COL5A2: variants seen among roughly 807,000 people sequenced by gnomAD.
COL5A2 encodes collagen alpha-2(V) chain.
COL5A2 carries 23 observed loss-of-function variants against 208.2 expected under a neutral mutation model. The ratio of observed to expected loss-of-function variants is 0.11; its 90% CI spans 0.08 to 0.16. The LOEUF is 0.16. Among genes scored for constraint, COL5A2 ranks in the 10% least tolerant of loss-of-function variants. The pLI, the probability that COL5A2 is intolerant of heterozygous loss-of-function variation, is 1.00. For missense variants in COL5A2, 1,590 were observed against 1,956.4 expected, an observed-to-expected ratio of 0.81 and a Z score of 3.53; for synonymous variants, 625 against 628.5, an observed-to-expected ratio of 0.99 and a Z score of 0.08.
At chr2:189,274,589 A>G in the COL5A2 span, among the ~76,000 whole-genome samples, 5 of 152,124 alleles carry the variant, frequency 3.3e-5, no homozygotes, top group African/African-American at 9.7e-5. Flanking sequence ...TGGTCAGCAA[A>G]TTACAGAACA....
the COL5A2 span, among the ~76,000 whole-genome samples, chr2:189,337,539 T>C: frequency 1.3e-5 from 2 of 152,190 alleles, no homozygotes; most frequent in Non-Finnish European, 2.9e-5. Context: ...TATAAACTTT[T>C]AGAATTGTGG....
the COL5A2 span, among the ~76,000 whole-genome samples, chr2:189,270,849 C>T: frequency 3.4e-4 from 51 of 152,094 alleles, no homozygotes; most frequent in African/African-American, 1.2e-3. Context: ...ACAAGCATTC[C>T]TATACACCAA....
the COL5A2 span, among the ~76,000 whole-genome samples, chr2:189,239,354 A>C: frequency 5.9e-5 from 9 of 152,152 alleles, no homozygotes; most frequent in Admixed American, 2.0e-4. Context: ...AAGAACCTTG[A>C]GATGGAAAGA....
At chr2:189,305,361 A>G in the COL5A2 span, among the ~76,000 whole-genome samples, 3 of 152,358 alleles carry the variant, frequency 2.0e-5, no homozygotes, top group East Asian at 5.8e-4. Context: ...TGAGGCCTTT[A>G]GCAGATGATT....
chr2:189,122,096 T>C lies in COL5A2; in HGVS notation c.98-11647A>G, dbSNP rs549817382. ...TACTCCAGAGGAGCTTAGAGGAAAGTTTATAAAGTCACTCTTTTAACAAAT... is the reference window on the plus strand; with the variant it reads ...TACTCCAGAGGAGCTTAGAGGAAAGCTTATAAAGTCACTCTTTTAACAAAT... On this transcript the variant is annotated intron_variant, in intron 1 of 53. Coordinates refer to ENST00000374866, the MANE Select transcript of COL5A2 (RefSeq NM_000393.5). Among the ~76,000 whole-genome samples, 6 of 152,270 alleles carry C rather than the reference T, an allele frequency of 3.9e-5. No individual in the cohort carries two copies. The South Asian group carries it at 8.3e-4, about 21-fold the overall frequency.
the COL5A2 span, among the ~76,000 whole-genome samples, chr2:189,243,385 GACTT>G: frequency 6.6e-6 from 1 of 152,158 alleles, no homozygotes; most frequent in Admixed American, 6.5e-5. Context: ...GGGTTTAATG[GACTT>G]ACAGTTCCAC....
Position 189,050,659 on chromosome 2 carries a change from A to AG in COL5A2, c.2948dup (p.Gly984TrpfsTer45). ...TCTGCCCGGTCGTTCCAGCTGGACC[A>AG]GGGGGGCCATCTGGACCCTAATGTT... On this transcript the variant is annotated frameshift_variant, in exon 43 of 54. Coordinates refer to ENST00000374866, the MANE Select transcript of COL5A2 (RefSeq NM_000393.5). LOFTEE classifies it high-confidence loss of function. 1 of 1,552,226 alleles carries AG rather than the reference A, an allele frequency of 6.4e-7. No individual in the cohort carries two copies.
intron 1 of COL5A2, among the ~76,000 whole-genome samples, chr2:189,197,474 A>G (rs1034163760): frequency 6.6e-6 from 1 of 152,138 alleles, no homozygotes; most frequent in Non-Finnish European, 1.5e-5. Context: ...ATTAATTAAA[A>G]AATTATCAAT....
the COL5A2 span, among the ~76,000 whole-genome samples, chr2:189,231,795 A>G: frequency 4.3e-3 from 646 of 151,440 alleles, 8 homozygotes; most frequent in East Asian, 0.029. Flanking sequence ...GTTATGTTCT[A>G]TTTTTCCATT....
chr2:189,121,863 T>C (rs999980784), intron 1 of COL5A2, among the ~76,000 whole-genome samples: 1 of 151,900 alleles, frequency 6.6e-6, no homozygotes, highest in African/African-American at 2.4e-5. Flanking sequence ...TAGTATAATG[T>C]CTAGTTTGAA....
At chr2:189,228,239 C>G (rs185205784), upstream of COL5A2, among the ~76,000 whole-genome samples, 1 of 151,172 alleles carries the variant, frequency 6.6e-6, no homozygotes, top group Non-Finnish European at 1.5e-5. Context: ...AATTCTATAC[C>G]TTAGGAAGTA....
chr2:189,170,219 C>T (rs1005698894), intron 1 of COL5A2, among the ~76,000 whole-genome samples: 2 of 152,044 alleles, frequency 1.3e-5, no homozygotes, highest in Non-Finnish European at 2.9e-5. Context: ...TATGGAAATA[C>T]AATTTCCAAA....
intron 2 of COL5A2, among the ~76,000 whole-genome samples, chr2:189,107,526 A>G (rs904223711): frequency 6.6e-6 from 1 of 150,712 alleles, no homozygotes; most frequent in Non-Finnish European, 1.5e-5. Flanking sequence ...TCACTTTTCA[A>G]CTTCTGTTTT....
chr2:189,041,532 A>G (rs767186176), intron 50 of COL5A2, 54 bp downstream of exon 50: 37 of 1,365,042 alleles, frequency 2.7e-5, no homozygotes, highest in Non-Finnish European at 3.7e-5. Context: ...CTTGGACGGA[A>G]TCTGAGCTAT....
At chr2:189,360,026 CT>C in the COL5A2 span, among the ~76,000 whole-genome samples, 1 of 151,868 alleles carries the variant, frequency 6.6e-6, no homozygotes, top group Non-Finnish European at 1.5e-5. Flanking sequence ...TTTCATTGAT[CT>C]TTTTTAAGTC....
chr2:189,189,237 CTCT>C (rs766338738), intron 1 of COL5A2, among the ~76,000 whole-genome samples: 7 of 152,124 alleles, frequency 4.6e-5, no homozygotes, highest in South Asian at 2.1e-4. Context: ...ATTCATCCCT[CTCT>C]TCTTCTCCTG....
At chr2:189,274,970 T>C in the COL5A2 span, among the ~76,000 whole-genome samples, 1 of 152,194 alleles carries the variant, frequency 6.6e-6, no homozygotes. Flanking sequence ...TTTTTATCTT[T>C]AATCTTTTTC....
chr2:189,231,659 T>G, the COL5A2 span, among the ~76,000 whole-genome samples: 1 of 151,724 alleles, frequency 6.6e-6, no homozygotes, highest in Non-Finnish European at 1.5e-5. Context: ...AAAGGACATA[T>G]GTAGATATAT....
chr2:189,266,281 C>T, the COL5A2 span, among the ~76,000 whole-genome samples: 10 of 151,916 alleles, frequency 6.6e-5, no homozygotes, highest in African/African-American at 2.2e-4. Context: ...CAAAAATTAG[C>T]GGGGCATGGT....
Sources: gnomAD v4.1 joint callset for allele counts (sites outside exome capture counted in the v4.1 genomes callset) on GRCh38, gnomAD v4.1.1 for gene constraint, MANE v1.5 for transcripts, NCBI Gene and HGNC (gene_info 2026-07-23, HGNC 2026-07-21) for gene names.